CDC42BPA: variants seen among roughly 807,000 people sequenced by gnomAD.
The protein encoded by CDC42BPA is serine/threonine-protein kinase MRCK alpha.
In CDC42BPA, 80 loss-of-function variants were observed where a neutral mutation model predicts 223.5. The ratio of observed to expected loss-of-function variants is 0.36; its 90% CI spans 0.30 to 0.43. The LOEUF is 0.43. Among genes scored for constraint, CDC42BPA ranks in the 20% least tolerant of loss-of-function variants. CDC42BPA has a pLI of 1.00. For synonymous variants in CDC42BPA, 694 were observed against 718.6 expected, an observed-to-expected ratio of 0.97 and a Z score of 0.55; for missense variants, 1,743 against 2,099.9, an observed-to-expected ratio of 0.83 and a Z score of 3.32.
At chr1:227,128,566 AATATATTTATTGAAAAAAT>A (rs1251503514) in intron 11 of CDC42BPA, among the ~76,000 whole-genome samples, 1 of 152,200 alleles carries the variant, frequency 6.6e-6, no homozygotes, top group Non-Finnish European at 1.5e-5. Context: ...GTAGGTGCTC[AATATATTTATTGAAAAAAT>A]GCAATAAATG....
At chr1:227,132,784 C>G (rs1657475578) in intron 10 of CDC42BPA, among the ~76,000 whole-genome samples, 1 of 151,414 alleles carries the variant, frequency 6.6e-6, no homozygotes, top group Non-Finnish European at 1.5e-5. Context: ...TGCCCCGCCG[C>G]CCCGTCTGGG....
At chr1:227,153,650 A>C (rs1241000704) in intron 6 of CDC42BPA, among the ~76,000 whole-genome samples, 1 of 151,924 alleles carries the variant, frequency 6.6e-6, no homozygotes, top group Non-Finnish European at 1.5e-5. Context: ...AAAATGGACA[A>C]TTTTCATTGA....
At chr1:227,245,946 A>C (rs190596586) in intron 2 of CDC42BPA, among the ~76,000 whole-genome samples, 3 of 152,270 alleles carry the variant, frequency 2.0e-5, no homozygotes, top group Admixed American at 6.5e-5. Flanking sequence ...AGGGAAAAGT[A>C]AAGGGAACTT....
chr1:227,109,378 T>C (rs1686504760), intron 14 of CDC42BPA, among the ~76,000 whole-genome samples: 1 of 152,124 alleles, frequency 6.6e-6, no homozygotes, highest in African/African-American at 2.4e-5. Flanking sequence ...ATGTATCTTT[T>C]TTTTTGAGAC....
intron 14 of CDC42BPA, 51 bp downstream of exon 14, chr1:227,112,261 C>T (rs774013234): frequency 1.8e-6 from 2 of 1,122,732 alleles, no homozygotes; most frequent in South Asian, 1.5e-5. Context: ...CCTAACAAGC[C>T]TAAAGAGAAG....
intron 4 of CDC42BPA, among the ~76,000 whole-genome samples, chr1:227,196,338 C>T (rs1199997604): frequency 1.7e-4 from 16 of 92,354 alleles, no homozygotes; most frequent in East Asian, 2.9e-4. Context: ...TTAAACAATA[C>T]TTTTTTTTTT....
chr1:227,297,778 G>A (rs1028782213), intron 1 of CDC42BPA, among the ~76,000 whole-genome samples: 17 of 151,764 alleles, frequency 1.1e-4, no homozygotes, highest in African/African-American at 3.9e-4. Context: ...ACCACAAACT[G>A]GGGAAAGGAG....
In CDC42BPA at chr1:227,147,379, CG is replaced by C; in HGVS notation, c.873del (p.Tyr291Ter). 1 of 1,610,002 alleles carries C rather than the reference CG, an allele frequency of 6.2e-7. No individual in the cohort carries two copies. The highest frequency in any genetic ancestry group is 8.5e-7 in the Non-Finnish European group (1 of 1,178,318). ...CTAACTTTGTGGTTCATGATTTTTC[CG>C]TATGTCTCCACCAGCGATTCTGCAT... ...PFYAESLVETYGKIMNHKERF... is the reference protein window; with the variant it reads ...PFYAESLVETXGKIMNHKERF... On this transcript the variant is annotated frameshift_variant, in exon 7 of 37. Transcript: ENST00000366766. LOFTEE classifies it high-confidence loss of function.
chr1:227,196,131 G>A (rs1572277233), intron 4 of CDC42BPA, among the ~76,000 whole-genome samples: 1 of 151,618 alleles, frequency 6.6e-6, no homozygotes, highest in East Asian at 1.9e-4. Flanking sequence ...ATGAAACAAT[G>A]CTAAAACATC....
At chr1:227,302,056 CCTGT>C (rs1255115780) in intron 1 of CDC42BPA, among the ~76,000 whole-genome samples, 2 of 152,156 alleles carry the variant, frequency 1.3e-5, no homozygotes, top group East Asian at 1.9e-4. Context: ...TGAACTGCAT[CCTGT>C]CTGTTATGGT....
At chr1:227,060,034 T>TTTTTG (rs1395833818) in intron 21 of CDC42BPA, among the ~76,000 whole-genome samples, 1 of 142,722 alleles carries the variant, frequency 7.0e-6, no homozygotes, top group East Asian at 2.0e-4. Flanking sequence ...TTTTTTGTTT[T>TTTTTG]TTTTTTTTTT....
chr1:227,207,323 T>C (rs1672938357), intron 3 of CDC42BPA, among the ~76,000 whole-genome samples: 1 of 148,496 alleles, frequency 6.7e-6, no homozygotes, highest in South Asian at 2.2e-4. Context: ...TTTTTTTTTC[T>C]TTTTTTACTG....
chr1:227,203,285 T>C (rs951518717), intron 3 of CDC42BPA, among the ~76,000 whole-genome samples: 2 of 152,268 alleles, frequency 1.3e-5, no homozygotes, highest in Admixed American at 1.3e-4. Flanking sequence ...CTGCTCTCAG[T>C]TGCTTGTCAC....
At chr1:227,268,631 GTGTA>G (rs1685435060) in intron 1 of CDC42BPA, among the ~76,000 whole-genome samples, 1 of 125,214 alleles carries the variant, frequency 8.0e-6, no homozygotes, top group South Asian at 2.5e-4. Context: ...TATATAGTAT[GTGTA>G]TATATATAGT....
chr1:227,088,724 G>GAT (rs367826375), intron 16 of CDC42BPA, among the ~76,000 whole-genome samples: 19 of 151,508 alleles, frequency 1.3e-4, no homozygotes, highest in Admixed American at 2.0e-4. Flanking sequence ...TATTTGCAAT[G>GAT]ATATATATAT....
At chr1:227,167,789 A>G (rs1665301752) in intron 5 of CDC42BPA, among the ~76,000 whole-genome samples, 2 of 152,190 alleles carry the variant, frequency 1.3e-5, no homozygotes, top group Admixed American at 6.5e-5. Context: ...TCTAGTATGT[A>G]TATCTAGACA....
At chr1:227,278,486 G>A (rs1025559711) in intron 1 of CDC42BPA, among the ~76,000 whole-genome samples, 1 of 152,160 alleles carries the variant, frequency 6.6e-6, no homozygotes, top group South Asian at 2.1e-4. Flanking sequence ...GGAAGTTAAG[G>A]TAGAACCCCA....
chr1:227,073,557 A>G (rs556652694), intron 19 of CDC42BPA, among the ~76,000 whole-genome samples: 3 of 152,272 alleles, frequency 2.0e-5, no homozygotes, highest in African/African-American at 7.2e-5. Context: ...ATTCCTAAAC[A>G]TGAGAGAATT....
At chr1:227,132,117 C>T (rs1022199370) in intron 10 of CDC42BPA, among the ~76,000 whole-genome samples, 2 of 72,184 alleles carry the variant, frequency 2.8e-5, no homozygotes, top group African/African-American at 1.1e-4. Context: ...GAAATTCAAC[C>T]CTCTCCCTCT....
Sources: allele counts gnomAD v4.1 joint callset (sites outside exome capture counted in the v4.1 genomes callset), GRCh38; gene constraint gnomAD v4.1.1; transcripts MANE v1.5; gene names NCBI Gene and HGNC (gene_info 2026-07-23, HGNC 2026-07-21).